Variants in POLQ observed in about 807,000 individuals in gnomAD.
POLQ encodes the protein epididymis secretory sperm binding protein.
Under a neutral mutation model 259.2 loss-of-function variants are expected in POLQ, and 233 were observed. The ratio of observed to expected loss-of-function variants is 0.90; its 90% CI spans 0.81 to 1.00. The LOEUF is 1.00. Among genes scored for constraint, POLQ ranks in the 50% least tolerant of loss-of-function variants. The pLI, the probability that POLQ is intolerant of heterozygous loss-of-function variation, is 0.00. For synonymous variants in POLQ, 1,025 were observed against 1,048.8 expected, an observed-to-expected ratio of 0.98 and a Z score of 0.44; for missense variants, 2,871 against 3,051.6, an observed-to-expected ratio of 0.94 and a Z score of 1.39.
chr3:121,487,489 C>CTGTA lies in POLQ; in HGVS notation c.5438_5441dup (p.Gln1814HisfsTer17). 1.2e-6 allele frequency: 2 copies of CTGTA among 1,614,094 alleles called. No individual in the cohort carries two copies. Among genetic ancestry groups the CTGTA allele is most frequent in the Non-Finnish European group, 1.7e-6 (2 of 1,179,990 alleles). ...CTGAACTGCTTGAGGCTGGAGTTAA[C>CTGTA]TGTAATCCATCCTGTGATAACTGAA... On this transcript the variant is annotated frameshift_variant, in exon 16 of 30. Transcript: ENST00000264233. LOFTEE classifies it high-confidence loss of function.
In POLQ at chr3:121,436,131, C is replaced by T. The variant is rs1046877579; in HGVS notation, c.7534G>A (p.Asp2512Asn). Residue 2512 changes from aspartate to asparagine, a missense_variant, in exon 28 of 30, where the codon GAC becomes AAC. This residue lies in a region of POLQ where 2,080 missense variants were observed against 2,126.0 expected (regional missense o/e 0.98). Transcript: ENST00000264233. ...HGHREGMLQS[D>N]QTGLSRKRKL... ...TCATCTATGAACAAACCTGTTTGGTCACTTTGGAGCATACCCTCTCGATGA... is the reference window on the plus strand; with the variant it reads ...TCATCTATGAACAAACCTGTTTGGTTACTTTGGAGCATACCCTCTCGATGA... 3 of 1,613,314 alleles carry T rather than the reference C, an allele frequency of 1.9e-6. No individual in the cohort carries two copies. Among genetic ancestry groups the T allele is most frequent in the African/African-American group, 1.3e-5 (1 of 74,894 alleles).
intron 26 of POLQ, among the ~76,000 whole-genome samples, chr3:121,442,564 T>G (rs912839811): frequency 6.6e-6 from 1 of 152,212 alleles, no homozygotes; most frequent in Non-Finnish European, 1.5e-5. Flanking sequence ...TGTGCCTGGC[T>G]TATTTCACTT....
At position 121,489,545 on chromosome 3, in the gene POLQ, G is replaced by A. The variant is rs754916850; in HGVS notation, c.3386C>T (p.Thr1129Ile). ...KQNCSWNITL[T>I]NDNFVEHIVT... is the part of the protein sequence containing the mutation. ...AATATGCTCCACAAAATTATCATTA[G>A]TTAGTGTTATGTTCCATGAACAATT... Residue 1129 changes from threonine (T) to isoleucine (I), a missense_variant, in exon 16 of 30, where the codon ACT becomes ATT. By Grantham distance (89) the Thr-to-Ile change is moderately conservative (BLOSUM62 -1). Coordinates refer to ENST00000264233, the MANE Select transcript of POLQ (RefSeq NM_199420.4). The A allele has an allele frequency of 1.2e-6, 2 of 1,613,346 alleles. 1 individual carries two copies. The highest frequency in any genetic ancestry group is 2.2e-5 in the South Asian group (2 of 90,888).
At chr3:121,456,714 C>T (rs1284210996) in intron 25 of POLQ, among the ~76,000 whole-genome samples, 1 of 152,006 alleles carries the variant, frequency 6.6e-6, no homozygotes, top group Non-Finnish European at 1.5e-5. Flanking sequence ...CTACAAACCA[C>T]TGCTCAAGGA....
chr3:121,537,627 T>C (rs980632257), intron 4 of POLQ, among the ~76,000 whole-genome samples: 2 of 152,194 alleles, frequency 1.3e-5, no homozygotes, highest in East Asian at 1.9e-4. Flanking sequence ...ACAAAGGACA[T>C]GATTTCATTC....
intron 21 of POLQ, 123 bp from the exon 22 acceptor site, chr3:121,472,287 C>T (rs2108790146): frequency 2.1e-6 from 1 of 467,968 alleles, no homozygotes; most frequent in South Asian, 5.7e-5. Context: ...CAACTCAAAA[C>T]TATTACTTGG....
At chr3:121,486,918 AG>A (rs879798688) in intron 16 of POLQ, among the ~76,000 whole-genome samples, 141 of 152,052 alleles carry the variant, frequency 9.3e-4, no homozygotes, top group Middle Eastern at 3.4e-3. Context: ...AGAGAGAGAG[AG>A]AGAAAGAAAA....
intron 14 of POLQ, chr3:121,494,867 G>A (rs879144032): frequency 2.2e-5 from 35 of 1,583,154 alleles, no homozygotes; most frequent in South Asian, 2.1e-4. Flanking sequence ...CACCAAGCTC[G>A]AAAAGGCAAA....
intron 26 of POLQ, among the ~76,000 whole-genome samples, chr3:121,441,748 C>T (rs866620391): frequency 1.3e-5 from 2 of 152,074 alleles, no homozygotes; most frequent in Admixed American, 1.3e-4. Flanking sequence ...TGCACAAATA[C>T]GATAGTAGAA....
intron 3 of POLQ, among the ~76,000 whole-genome samples, chr3:121,540,938 C>A (rs2048485080): frequency 6.7e-6 from 1 of 150,216 alleles, no homozygotes; most frequent in Non-Finnish European, 1.5e-5. Flanking sequence ...GTTGCCCAGG[C>A]TGGAGTGCAA....
chr3:121,533,698 CAG>C (rs1172747973), intron 5 of POLQ, among the ~76,000 whole-genome samples: 1 of 151,666 alleles, frequency 6.6e-6, no homozygotes, highest in Non-Finnish European at 1.5e-5. Flanking sequence ...GTATGTTTAG[CAG>C]AGACAGGGTT....
intron 27 of POLQ, among the ~76,000 whole-genome samples, chr3:121,437,149 A>T (rs1301854003): frequency 6.6e-6 from 1 of 152,130 alleles, no homozygotes; most frequent in Non-Finnish European, 1.5e-5. Context: ...CAAGATGATC[A>T]GTTAAGACCA....
intron 1 of POLQ, 130 bp from the exon 2 acceptor site, chr3:121,545,036 G>T: frequency 1.7e-6 from 1 of 573,924 alleles, no homozygotes; most frequent in South Asian, 2.8e-5. Flanking sequence ...CTGACTTCAA[G>T]AATCTTATGA....
intron 14 of POLQ, among the ~76,000 whole-genome samples, chr3:121,495,349 TAGAA>T (rs1225374212): frequency 6.6e-6 from 1 of 151,982 alleles, no homozygotes; most frequent in East Asian, 1.9e-4. Flanking sequence ...CTGAGAGAAC[TAGAA>T]AGAGTGAAGT....
intron 9 of POLQ, among the ~76,000 whole-genome samples, chr3:121,516,405 C>T (rs759354332): frequency 3.3e-5 from 5 of 152,124 alleles, no homozygotes; most frequent in Admixed American, 2.0e-4. Context: ...GATAAACAAG[C>T]CACTTTGGGC....
chr3:121,481,650 T>C lies in POLQ; in HGVS notation c.6133A>G (p.Arg2045Gly). 6.2e-7 allele frequency: 1 copy of C among 1,614,062 alleles called. No individual in the cohort carries two copies. Among genetic ancestry groups the C allele is most frequent in the Non-Finnish European group, 8.5e-7 (1 of 1,179,928 alleles). Residue 2045 changes from arginine (R) to glycine (G), a missense_variant, in exon 19 of 30, where the codon AGA becomes GGA. By Grantham distance (125) the Arg-to-Gly change is moderately radical (BLOSUM62 -2). This residue lies in a region of POLQ where 2,080 missense variants were observed against 2,126.0 expected (regional missense o/e 0.98). Coordinates refer to ENST00000264233, the MANE Select transcript of POLQ (RefSeq NM_199420.4). The part of the protein sequence containing the change: ...NAGSEHSGRY[R>G]ASVESILIFN... ...ATGAGAATGGACTCCACAGATGCTC[T>C]GTATCGCCCAGAATGCTCACTGCCA...
intron 9 of POLQ, among the ~76,000 whole-genome samples, chr3:121,517,555 A>T (rs1171514123): frequency 6.6e-6 from 1 of 152,154 alleles, no homozygotes. Context: ...TATATTTCCC[A>T]GCCTCTCTTA....
intron 22 of POLQ, among the ~76,000 whole-genome samples, chr3:121,471,528 G>C (rs1029880591): frequency 1.3e-5 from 2 of 151,968 alleles, no homozygotes; most frequent in Admixed American, 1.3e-4. Flanking sequence ...GATCACCTGA[G>C]GTCAGGAGTT....
chr3:121,474,200 A>G (rs2047907412), intron 20 of POLQ, among the ~76,000 whole-genome samples: 1 of 152,162 alleles, frequency 6.6e-6, no homozygotes, highest in African/African-American at 2.4e-5. Context: ...CTATTGTCTC[A>G]TTACAAAAAT....
Sources: allele counts gnomAD v4.1 joint callset (sites outside exome capture counted in the v4.1 genomes callset), GRCh38; gene constraint gnomAD v4.1.1; regional missense constraint gnomAD v4.1.1; transcripts MANE v1.5; gene names NCBI Gene and HGNC (gene_info 2026-07-23, HGNC 2026-07-21).